TANC2: variants seen among roughly 807,000 people sequenced by gnomAD.
The protein encoded by TANC2 is protein TANC2.
TANC2 carries 26 observed loss-of-function variants against 210.5 expected under a neutral mutation model. The observed-to-expected ratio is 0.12, with a 90% CI of 0.09 to 0.17. TANC2 has a LOEUF of 0.17. Among genes scored for constraint, TANC2 ranks in the 10% least tolerant of loss-of-function variants. TANC2 has a pLI of 1.00. For synonymous variants in TANC2, 931 were observed against 967.1 expected (o/e 0.96, Z 0.69); for missense variants, 2,129 against 2,608.9 (o/e 0.82, Z 4.01).
Position 63,418,474 on chromosome 17 carries a change from G to A in TANC2, c.4268+67G>A, listed in dbSNP as rs1490859628. 2.6e-5 allele frequency: 37 copies of A among 1,413,042 alleles called. No homozygotes were observed. Among genetic ancestry groups the A allele is most frequent in the Middle Eastern group, 1.7e-4 (1 of 5,728 alleles). The allele number at this position is 1,413,042 out of a possible 1,614,324, so 87.5% of individuals were successfully genotyped here. A position where few individuals can be genotyped will look rare whatever the true frequency, so the allele number is the denominator to read the frequency against. Reference sequence around the variant, plus strand: ...CTGAAAATTTGGCCAAGGCAGCGTCGGCCACCCTGGGGCATATGTACCCAA... The same window carrying A: ...CTGAAAATTTGGCCAAGGCAGCGTCAGCCACCCTGGGGCATATGTACCCAA... On this transcript the variant is annotated intron_variant, in intron 27 of 27. Coordinates refer to ENST00000689528, the Ensembl canonical transcript of TANC2. This position sits in a 1 kb window ranked among gnomAD's most constrained non-coding sequence, Gnocchi z 4.6.
intron 5 of TANC2, among the ~76,000 whole-genome samples, chr17:63,177,688 T>C (rs2145623751): frequency 6.6e-6 from 1 of 152,300 alleles, no homozygotes; most frequent in South Asian, 2.1e-4. Flanking sequence ...TGGATGGCTC[T>C]AGCATTCAAG....
At chr17:63,174,754 T>C (rs1362739494) in intron 5 of TANC2, among the ~76,000 whole-genome samples, 3 of 152,206 alleles carry the variant, frequency 2.0e-5, no homozygotes, top group African/African-American at 7.2e-5. Flanking sequence ...TTTATATAAA[T>C]GTAATTACAT....
In TANC2 at chr17:63,283,613, C is replaced by T. The variant is rs918128175; in HGVS notation, c.1159+15740C>T. ...ATTGACTTATCAGTATTGAATCTTCCAACCTATATAGTATATCTCTGCAGT... is the reference window on the plus strand; with the variant it reads ...ATTGACTTATCAGTATTGAATCTTCTAACCTATATAGTATATCTCTGCAGT... On this transcript the variant is annotated intron_variant, in intron 9 of 27. Coordinates refer to ENST00000689528, the Ensembl canonical transcript of TANC2. 2.6e-5 allele frequency among the ~76,000 whole-genome samples: 4 copies of T among 151,852 alleles called. No individual in the cohort carries two copies. In the East Asian group the frequency reaches 7.7e-4, roughly 29 times the overall value.
At chr17:63,215,056 C>T (rs2041988927) in intron 7 of TANC2, among the ~76,000 whole-genome samples, 1 of 152,154 alleles carries the variant, frequency 6.6e-6, no homozygotes, top group South Asian at 2.1e-4. Context: ...TCCCTCTACC[C>T]ATTTCAGAAC....
chr17:63,321,405 T>G (rs757996746), intron 11 of TANC2, among the ~76,000 whole-genome samples: 3 of 152,230 alleles, frequency 2.0e-5, no homozygotes, highest in Non-Finnish European at 4.4e-5. Flanking sequence ...TGTCTCCTTC[T>G]TTTTATAGCA....
chr17:63,418,514 T>C lies in TANC2; in HGVS notation c.4268+107T>C. 4.2e-6 allele frequency: 4 copies of C among 955,918 alleles called. No homozygotes were observed. The highest frequency in any genetic ancestry group is 1.6e-5 in the South Asian group (1 of 62,630). 59.2% of individuals were successfully genotyped at this position (955,918 alleles called of 1,614,324 possible). A position where few individuals can be genotyped will look rare whatever the true frequency, so the allele number is the denominator to read the frequency against. On this transcript the variant is annotated intron_variant, in intron 27 of 27. Transcript: ENST00000689528. The surrounding 1 kb of genome is among the most constrained non-coding windows in gnomAD (Gnocchi z 4.6). ...TATGTACCCAAATACATCTCTGTCC[T>C]TGAGAACTGTCAGGGCCAAGCTTTG...
At chr17:63,375,859 G>A (rs2047407569) in intron 14 of TANC2, among the ~76,000 whole-genome samples, 1 of 152,094 alleles carries the variant, frequency 6.6e-6, no homozygotes, top group Non-Finnish European at 1.5e-5. Flanking sequence ...GGAGGCTGAG[G>A]TGGCCAGATC....
chr17:63,204,498 C>T (rs547047082), intron 7 of TANC2, among the ~76,000 whole-genome samples: 69 of 151,984 alleles, frequency 4.5e-4, no homozygotes, highest in African/African-American at 1.5e-3. Context: ...GGAATAGTGG[C>T]GTGAACTTGT....
At chr17:63,394,340 C>T (rs2048086972) in intron 17 of TANC2, among the ~76,000 whole-genome samples, 1 of 152,102 alleles carries the variant, frequency 6.6e-6, no homozygotes, top group South Asian at 2.1e-4. Flanking sequence ...ATTCCTGTGT[C>T]CTTTCAACTT....
chr17:63,137,619 G>A (rs1022981666), intron 4 of TANC2, among the ~76,000 whole-genome samples: 3 of 152,022 alleles, frequency 2.0e-5, no homozygotes, highest in Admixed American at 1.3e-4. Flanking sequence ...ATCCATGAGC[G>A]CTTTTTAAGA....
intron 2 of TANC2, among the ~76,000 whole-genome samples, chr17:63,047,529 T>A (rs2035430089): frequency 6.6e-6 from 1 of 152,044 alleles, no homozygotes; most frequent in Admixed American, 6.6e-5. Flanking sequence ...TGTTGGAGAG[T>A]ATCAGGTTTG....
intron 1 of TANC2, among the ~76,000 whole-genome samples, chr17:62,984,574 G>A (rs77159275): frequency 0.029 from 4,470 of 151,906 alleles, 226 homozygotes; most frequent in African/African-American, 0.1. Context: ...AATCTTTCTA[G>A]TTTTCTGCTG....
intron 2 of TANC2, among the ~76,000 whole-genome samples, chr17:63,019,762 A>G (rs1458259084): frequency 6.6e-6 from 1 of 151,686 alleles, no homozygotes; most frequent in African/African-American, 2.4e-5. Context: ...CTTATTTGCT[A>G]TTTGCATGTC....
intron 7 of TANC2, among the ~76,000 whole-genome samples, chr17:63,220,205 G>T (rs540654370): frequency 5.9e-5 from 9 of 151,898 alleles, no homozygotes; most frequent in African/African-American, 2.2e-4. Flanking sequence ...TGAGGCAGGA[G>T]AATCGCTTGA....
intron 8 of TANC2, among the ~76,000 whole-genome samples, chr17:63,238,571 A>G (rs767968744): frequency 3.9e-5 from 6 of 152,200 alleles, no homozygotes; most frequent in Non-Finnish European, 7.4e-5. Context: ...TATTTTCACA[A>G]TATCCTGGCT....
At chr17:63,060,836 GA>G (rs2035971049) in intron 2 of TANC2, among the ~76,000 whole-genome samples, 1 of 152,132 alleles carries the variant, frequency 6.6e-6, no homozygotes, top group Non-Finnish European at 1.5e-5. Context: ...AAGTTTTACT[GA>G]ATGTAAAATC....
intron 14 of TANC2, among the ~76,000 whole-genome samples, chr17:63,371,310 C>CA (rs1188142923): frequency 2.0e-5 from 3 of 151,852 alleles, no homozygotes; most frequent in Non-Finnish European, 4.4e-5. Context: ...ACTAAAAATA[C>CA]AAAAAATGAG....
At chr17:63,401,019 A>G (rs991502427) in intron 19 of TANC2, among the ~76,000 whole-genome samples, 2 of 152,138 alleles carry the variant, frequency 1.3e-5, no homozygotes, top group African/African-American at 4.8e-5. Context: ...AATAATGTTT[A>G]TTATGTGGCA....
intron 9 of TANC2, among the ~76,000 whole-genome samples, chr17:63,277,541 C>T (rs890838988): frequency 6.6e-6 from 1 of 151,894 alleles, no homozygotes; most frequent in Non-Finnish European, 1.5e-5. Flanking sequence ...TGCCAGCATC[C>T]TTGTTCAGTT....
Sources: gnomAD v4.1 joint callset for allele counts (sites outside exome capture counted in the v4.1 genomes callset) on GRCh38, gnomAD v4.1.1 for gene constraint, Gnocchi (gnomAD v3.1) non-coding constraint, MANE v1.5 for transcripts, NCBI Gene and HGNC (gene_info 2026-07-23, HGNC 2026-07-21) for gene names.